Variants in HHAT observed in about 807,000 individuals in gnomAD.
HHAT encodes the protein hedgehog acyltransferase.
HHAT carries 47 observed loss-of-function variants against 70.8 expected under a neutral mutation model. The ratio of observed to expected loss-of-function variants is 0.66; its 90% CI spans 0.53 to 0.85. The LOEUF (loss-of-function observed/expected upper bound fraction) is 0.85, where lower values mean the gene tolerates loss of function less well. Ranked by LOEUF, HHAT falls within the 40% of genes least tolerant of loss-of-function variation. HHAT has a pLI of 0.00. For missense variants in HHAT, 609 were observed against 604.8 expected (o/e 1.01, Z -0.07); for synonymous variants, 228 against 247.6 (o/e 0.92, Z 0.74).
At chr1:210,510,391 C>T (rs2094933315) in intron 8 of HHAT, among the ~76,000 whole-genome samples, 1 of 152,186 alleles carries the variant, frequency 6.6e-6, no homozygotes, top group African/African-American at 2.4e-5. Context: ...CATCCAGACA[C>T]AAAAGCACAA....
intron 9 of HHAT, among the ~76,000 whole-genome samples, chr1:210,527,130 C>G (rs1480449119): frequency 1.3e-5 from 2 of 152,104 alleles, no homozygotes. Context: ...AGGATTGGAA[C>G]TTTTAGCCCC....
In HHAT at chr1:210,485,352, T is replaced by C. The variant is rs185890147; in HGVS notation, c.1007+20697T>C. Among the ~76,000 whole-genome samples, 156 of 152,292 alleles carry C rather than the reference T, an allele frequency of 1.0e-3. 1 individual carries two copies. The highest frequency in any genetic ancestry group is 3.5e-3 in the African/African-American group (144 of 41,562). ...AGACTCAGGGTCAGCCGCAATAGACTTCTTCACTAGTCAGCCCTGGTCAAA... is the reference window on the plus strand; with the variant it reads ...AGACTCAGGGTCAGCCGCAATAGACCTCTTCACTAGTCAGCCCTGGTCAAA... On this transcript the variant is annotated intron_variant, in intron 8 of 11. Coordinates refer to ENST00000261458, the MANE Select transcript of HHAT (RefSeq NM_018194.6).
rs531106517 is a variant in HHAT, at chr1:210,378,377, CAT to C, written c.160-9090_160-9089del. ...GCTATTTAGGAAATAGGTACAGAAA[CAT>C]GTATAGTATTTCTGTAGTATTTTAT... is the stretch of plus-strand genomic sequence containing the variant. On this transcript the variant is annotated intron_variant, in intron 3 of 11. Transcript: ENST00000261458. Among the ~76,000 whole-genome samples the C allele has an allele frequency of 3.5e-4, 54 of 152,202 alleles. No individual in the cohort carries two copies. In the South Asian group the frequency reaches 7.1e-3, roughly 20 times the overall value.
chr1:210,447,319 A>G (rs535130401), intron 7 of HHAT, among the ~76,000 whole-genome samples: 36 of 152,218 alleles, frequency 2.4e-4, no homozygotes, highest in Non-Finnish European at 4.9e-4. Context: ...GTTTATTACA[A>G]GTAATTACAG....
intron 7 of HHAT, among the ~76,000 whole-genome samples, chr1:210,452,369 C>T (rs972028722): frequency 3.3e-5 from 5 of 152,194 alleles, no homozygotes; most frequent in Non-Finnish European, 5.9e-5. Flanking sequence ...GGTGGGGGCT[C>T]TCAGTGCCTC....
chr1:210,348,327 C>T (rs1333241949), intron 1 of HHAT, among the ~76,000 whole-genome samples: 2 of 152,174 alleles, frequency 1.3e-5, no homozygotes, highest in African/African-American at 2.4e-5. Context: ...TCTCGAACTC[C>T]TGGCCTCAAG....
chr1:210,545,804 A>AGT (rs1337349782), intron 9 of HHAT, among the ~76,000 whole-genome samples: 1 of 152,102 alleles, frequency 6.6e-6, no homozygotes, highest in African/African-American at 2.4e-5. Flanking sequence ...CTCCCTGAAT[A>AGT]GTATGTTTTA....
chr1:210,341,823 A>G (rs2086066085), intron 1 of HHAT, among the ~76,000 whole-genome samples: 1 of 152,148 alleles, frequency 6.6e-6, no homozygotes, highest in Non-Finnish European at 1.5e-5. Context: ...GAAATATTCA[A>G]CCTTGGGGTG....
intron 9 of HHAT, among the ~76,000 whole-genome samples, chr1:210,558,035 G>T (rs1413690071): frequency 1.3e-5 from 2 of 152,170 alleles, no homozygotes; most frequent in Non-Finnish European, 2.9e-5. Flanking sequence ...AAAAGAACTG[G>T]ATCCCTAGGG....
At chr1:210,584,880 C>A (rs769698502) in intron 9 of HHAT, among the ~76,000 whole-genome samples, 1 of 152,216 alleles carries the variant, frequency 6.6e-6, no homozygotes, top group Non-Finnish European at 1.5e-5. Context: ...ATGTCTGTTT[C>A]CCATAATGCC....
chr1:210,353,211 C>T (rs1292992928), intron 2 of HHAT, among the ~76,000 whole-genome samples: 1 of 152,074 alleles, frequency 6.6e-6, no homozygotes, highest in Non-Finnish European at 1.5e-5. Flanking sequence ...GCTGGGATTA[C>T]AGGCATGAGC....
chr1:210,616,097 T>C (rs184819606), intron 10 of HHAT, among the ~76,000 whole-genome samples: 3 of 152,212 alleles, frequency 2.0e-5, no homozygotes, highest in Non-Finnish European at 4.4e-5. Context: ...CAAAGATGTA[T>C]TGGGCAAAAC....
chr1:210,380,511 G>A (rs2090548545), intron 3 of HHAT, among the ~76,000 whole-genome samples: 1 of 152,066 alleles, frequency 6.6e-6, no homozygotes, highest in African/African-American at 2.4e-5. Context: ...CTGCACTCCA[G>A]CCTGGGCGAC....
At chr1:210,401,463 A>G (rs1032604279) in intron 5 of HHAT, among the ~76,000 whole-genome samples, 6 of 152,160 alleles carry the variant, frequency 3.9e-5, no homozygotes, top group Admixed American at 1.3e-4. Context: ...AGCTCTTTCA[A>G]TTTAGGTAGT....
chr1:210,414,728 A>G (rs1229751522), intron 6 of HHAT, among the ~76,000 whole-genome samples: 1 of 152,110 alleles, frequency 6.6e-6, no homozygotes, highest in East Asian at 1.9e-4. Flanking sequence ...TTAAAAAAGA[A>G]CCAATTTGGC....
chr1:210,461,602 G>A (rs1007705299), intron 7 of HHAT, among the ~76,000 whole-genome samples: 1 of 152,158 alleles, frequency 6.6e-6, no homozygotes, highest in Non-Finnish European at 1.5e-5. Flanking sequence ...GTGCCTGGCT[G>A]AGCCATGCAT....
At chr1:210,334,175 G>T (rs694602) in intron 1 of HHAT, among the ~76,000 whole-genome samples, 1 of 120,298 alleles carries the variant, frequency 8.3e-6, no homozygotes, top group Non-Finnish European at 1.8e-5. Flanking sequence ...ACTTTAGCGT[G>T]TCATTTTTTT....
At chr1:210,528,920 C>A (rs1558097021) in intron 9 of HHAT, among the ~76,000 whole-genome samples, 1 of 152,172 alleles carries the variant, frequency 6.6e-6, no homozygotes, top group Non-Finnish European at 1.5e-5. Flanking sequence ...GGGATACCAT[C>A]CATTGATAAG....
At position 210,561,937 on chromosome 1, in the gene HHAT, CACTT is replaced by C. The variant is rs2095626841; in HGVS notation, c.1044-25957_1044-25954del. Among the ~76,000 whole-genome samples the C allele has an allele frequency of 3.3e-5, 5 of 152,298 alleles. No homozygotes were observed. In the South Asian group the frequency reaches 1.0e-3, roughly 32 times the overall value. ...AGCACAGTGCCTGACACCTGATAGT[CACTT>C]ACTAACTCCTTCCAGTGCATAGTGG... is the stretch of plus-strand genomic sequence containing the variant. On this transcript the variant is annotated intron_variant, in intron 9 of 11. Transcript: ENST00000261458.
Sources: gnomAD v4.1 joint callset for allele counts (sites outside exome capture counted in the v4.1 genomes callset) on GRCh38, gnomAD v4.1.1 for gene constraint, MANE v1.5 for transcripts, NCBI Gene and HGNC (gene_info 2026-07-23, HGNC 2026-07-21) for gene names.